PDE4D: variants seen among roughly 807,000 people sequenced by gnomAD.
PDE4D encodes the protein 3',5'-cyclic-AMP phosphodiesterase 4D.
In PDE4D, 24 loss-of-function variants were observed where a neutral mutation model predicts 87.4. The ratio of observed to expected loss-of-function variants is 0.27; its 90% CI spans 0.20 to 0.39. PDE4D has a LOEUF of 0.39. Ranked by LOEUF, PDE4D falls within the 10% of genes least tolerant of loss-of-function variation. PDE4D has a pLI of 1.00. For missense variants in PDE4D, 714 were observed against 1,041.0 expected (o/e 0.69, Z 4.32); for synonymous variants, 384 against 383.2 (o/e 1.00, Z -0.02).
rs904963877 is a variant in PDE4D at position 59,407,714 on chromosome 5, C to A, written c.456-191746G>T. 5.2e-4 allele frequency among the ~76,000 whole-genome samples: 79 copies of A among 152,254 alleles called. 1 individual carries two copies. Among genetic ancestry groups the A allele is most frequent in the Middle Eastern group, 6.8e-3 (2 of 294 alleles). On this transcript the variant is annotated intron_variant, in intron 1 of 14. Transcript: ENST00000340635. ...TTATTGAGAACTGGAGCAAAGGTCA[C>A]CCATGTTATACCTTAGCAAAGAACT...
chr5:60,143,456 G>A (rs1011391986), intron 2 of PDE4D, among the ~76,000 whole-genome samples: 2 of 152,078 alleles, frequency 1.3e-5, no homozygotes, highest in Non-Finnish European at 2.9e-5. Flanking sequence ...CTACCAATCT[G>A]GATTTTATTA....
intron 2 of PDE4D, among the ~76,000 whole-genome samples, chr5:59,209,094 A>T (rs1749486618): frequency 6.6e-6 from 1 of 152,194 alleles, no homozygotes; most frequent in Non-Finnish European, 1.5e-5. Context: ...TCTAGAGCAC[A>T]TCAGATACTT....
At chr5:60,400,537 A>G (rs934233083) in intron 1 of PDE4D, among the ~76,000 whole-genome samples, 5 of 151,306 alleles carry the variant, frequency 3.3e-5, no homozygotes, top group African/African-American at 1.2e-4. Context: ...AAAAAAAAAA[A>G]AAAAAAAGAA....
intron 3 of PDE4D, among the ~76,000 whole-genome samples, chr5:59,971,063 T>A (rs1295577838): frequency 2.6e-5 from 4 of 151,934 alleles, no homozygotes; most frequent in Non-Finnish European, 5.9e-5. Flanking sequence ...TGTAGGGACA[T>A]GGATGAAATT....
At chr5:59,750,248 T>C (rs1034034815) in intron 1 of PDE4D, among the ~76,000 whole-genome samples, 1 of 152,136 alleles carries the variant, frequency 6.6e-6, no homozygotes, top group Non-Finnish European at 1.5e-5. Flanking sequence ...CCAAAACTTA[T>C]GATAGACTGT....
At chr5:59,644,761 C>T (rs1203902709) in intron 1 of PDE4D, among the ~76,000 whole-genome samples, 3 of 152,150 alleles carry the variant, frequency 2.0e-5, no homozygotes, top group African/African-American at 7.2e-5. Context: ...TTCTCGAGGA[C>T]TATGCCGAAA....
At chr5:59,689,484 A>T (rs548472779) in intron 1 of PDE4D, among the ~76,000 whole-genome samples, 2,491 of 152,278 alleles carry the variant, frequency 0.016, 67 homozygotes, top group African/African-American at 0.057. Flanking sequence ...TGATTCTCTC[A>T]ATAGATGCAG....
chr5:59,168,354 T>G (rs1782214706), intron 5 of PDE4D, among the ~76,000 whole-genome samples: 2 of 152,318 alleles, frequency 1.3e-5, no homozygotes, highest in African/African-American at 4.8e-5. Flanking sequence ...TGCGTTACCC[T>G]GGTTCCTCCG....
chr5:59,744,360 A>C (rs1759302688), intron 1 of PDE4D, among the ~76,000 whole-genome samples: 1 of 152,192 alleles, frequency 6.6e-6, no homozygotes, highest in South Asian at 2.1e-4. Context: ...ACATCATGGC[A>C]GAATATACTT....
rs1397860153 is a variant in PDE4D at position 59,452,568 on chromosome 5, G to A, written c.456-236600C>T. Among the ~76,000 whole-genome samples, 3 of 152,274 alleles carry A rather than the reference G, an allele frequency of 2.0e-5. 1 individual carries two copies. Among genetic ancestry groups the A allele is most frequent in the Non-Finnish European group, 4.4e-5 (3 of 68,026 alleles). ...GGAGGAGACACAGCTACTGCCTGAGGTGCTGCCTCAGGTAGAGAGAGTAAA... is the reference window on the plus strand; with the variant it reads ...GGAGGAGACACAGCTACTGCCTGAGATGCTGCCTCAGGTAGAGAGAGTAAA... On this transcript the variant is annotated intron_variant, in intron 1 of 14. Coordinates refer to ENST00000340635, the MANE Select transcript of PDE4D (RefSeq NM_001104631.2).
chr5:59,507,592 G>A (rs56075449), intron 1 of PDE4D, among the ~76,000 whole-genome samples: 31,605 of 147,556 alleles, frequency 0.21, 4,134 homozygotes, highest in Non-Finnish European at 0.29. Context: ...TTGAGCCCAG[G>A]AGTTTGAGGC....
intron 1 of PDE4D, among the ~76,000 whole-genome samples, chr5:59,514,154 G>A (rs1810746386): frequency 6.7e-6 from 1 of 149,526 alleles, no homozygotes; most frequent in Non-Finnish European, 1.5e-5. Flanking sequence ...CGCTCAGGCT[G>A]GAGTGCAGTG....
chr5:59,093,237 G>A (rs1561471760), intron 5 of PDE4D, among the ~76,000 whole-genome samples: 1 of 152,180 alleles, frequency 6.6e-6, no homozygotes, highest in Admixed American at 6.5e-5. Context: ...GAAGGCAGGA[G>A]TTTAGCGAGG....
At chr5:59,992,171 G>A (rs1389755203) in intron 2 of PDE4D, among the ~76,000 whole-genome samples, 2 of 152,162 alleles carry the variant, frequency 1.3e-5, no homozygotes, top group Non-Finnish European at 2.9e-5. Context: ...GTTTTCCAGG[G>A]ACTCTTGGGC....
At chr5:59,199,257 C>T (rs1746179291) in intron 2 of PDE4D, among the ~76,000 whole-genome samples, 1 of 141,870 alleles carries the variant, frequency 7.0e-6, no homozygotes, top group African/African-American at 2.6e-5. Context: ...GAATCTAATC[C>T]TTTTTTTTTT....
intron 1 of PDE4D, among the ~76,000 whole-genome samples, chr5:60,413,287 A>T (rs1297395862): frequency 6.6e-6 from 1 of 152,218 alleles, no homozygotes; most frequent in Non-Finnish European, 1.5e-5. Flanking sequence ...TCAAACCTAT[A>T]GGCAGAAAAA....
At chr5:59,431,311 CCA>C (rs1415427466) in intron 1 of PDE4D, among the ~76,000 whole-genome samples, 1 of 152,022 alleles carries the variant, frequency 6.6e-6, no homozygotes, top group Non-Finnish European at 1.5e-5. Context: ...TATCTTTATC[CCA>C]CAGTTTTTCT....
At chr5:58,989,210 T>C (rs895651769) in intron 10 of PDE4D, among the ~76,000 whole-genome samples, 2 of 152,098 alleles carry the variant, frequency 1.3e-5, no homozygotes, top group Non-Finnish European at 1.5e-5. Context: ...CCATCTCCAG[T>C]TGAGAATCAC....
intron 1 of PDE4D, among the ~76,000 whole-genome samples, chr5:59,687,263 A>G (rs1462032030): frequency 1.3e-5 from 2 of 152,186 alleles, no homozygotes; most frequent in African/African-American, 4.8e-5. Flanking sequence ...AGCAACTCCA[A>G]GACACATAAT....
Sources: gnomAD v4.1 joint callset for allele counts (sites outside exome capture counted in the v4.1 genomes callset) on GRCh38, gnomAD v4.1.1 for gene constraint, MANE v1.5 for transcripts, NCBI Gene and HGNC (gene_info 2026-07-23, HGNC 2026-07-21) for gene names.